AMPD1: variants seen among roughly 807,000 people sequenced by gnomAD.
The protein encoded by AMPD1 is AMP deaminase 1.
In AMPD1, 74 loss-of-function variants were observed where a neutral mutation model predicts 82.9. The ratio of observed to expected loss-of-function variants is 0.89; its 90% confidence interval spans 0.74 to 1.08. The LOEUF (loss-of-function observed/expected upper bound fraction) is 1.08, where lower values mean the gene tolerates loss of function less well. AMPD1 is among the 50% of genes least tolerant of loss of function. The probability of loss-of-function intolerance (pLI) is 0.00; values close to 1 mark genes in which losing one functional copy is unlikely to be tolerated. For missense variants in AMPD1, 881 were observed against 924.5 expected, an observed-to-expected ratio of 0.95 and a Z score of 0.61; for synonymous variants, 333 against 320.5, an observed-to-expected ratio of 1.04 and a Z score of -0.42.
chr1:114,690,602 G>A (rs899604889), intron 2 of AMPD1, among the ~76,000 whole-genome samples: 2 of 152,082 alleles, frequency 1.3e-5, no homozygotes, highest in Non-Finnish European at 2.9e-5. Flanking sequence ...AACTGAAACC[G>A]AAAAGCATCT....
intron 5 of AMPD1, among the ~76,000 whole-genome samples, chr1:114,683,818 G>A (rs1356264978): frequency 6.6e-6 from 1 of 152,184 alleles, no homozygotes; most frequent in African/African-American, 2.4e-5. Flanking sequence ...TGCTTTGTAG[G>A]TAGCAAGGAG....
chr1:114,675,993 G>C lies in AMPD1; in HGVS notation c.1399C>G (p.Arg467Gly). 2 of 1,613,914 alleles carry C rather than the reference G, an allele frequency of 1.2e-6. No homozygotes were observed. Among genetic ancestry groups the C allele is most frequent in the Non-Finnish European group, 8.5e-7 (1 of 1,179,990 alleles). Residue 467 changes from arginine to glycine, a missense_variant, in exon 11 of 16, where the codon CGT becomes GGT. By Grantham distance (125) the Arg-to-Gly change is moderately radical. This residue lies in a region of AMPD1 where 783 missense variants were observed against 786.4 expected (regional missense o/e 1.00). Transcript: ENST00000520113. Reference sequence around the variant, plus strand: ...AAATGTGGAAGGAAATTCTTGGAACGGAACACATCACTAGAGGCAAGAATG... The same window carrying C: ...AAATGTGGAAGGAAATTCTTGGAACCGAACACATCACTAGAGGCAAGAATG... ...IQVPRIYDVF[R>G]SKNFLPHFGK... is the part of the protein sequence containing the mutation.
intron 8 of AMPD1, 49 bp downstream of exon 8, chr1:114,678,284 G>A: frequency 6.3e-7 from 1 of 1,592,604 alleles, no homozygotes; most frequent in Non-Finnish European, 8.6e-7. Context: ...AGAAAGACAT[G>A]TGGGGTTCTG....
In AMPD1 at chr1:114,673,137, C is replaced by T. The variant is rs1252163547; in HGVS notation, c.2221G>A (p.Glu741Lys). 7 of 1,614,006 alleles carry T rather than the reference C, an allele frequency of 4.3e-6. No homozygotes were observed. Among genetic ancestry groups the T allele is most frequent in the South Asian group, 2.2e-5 (2 of 91,074 alleles). ...TWCYELNLIA[E>K]GLKSTE is the part of the protein sequence containing the mutation. ...TTTTATTCTGTTGATTTAAGACCCT[C>T]AGCAATTAAATTGAGTTCATAACAC... The change falls in exon 16 of 16, where the codon GAG (glutamate) becomes AAG (lysine). Residue 741 changes from glutamate (E) to lysine (K), a missense_variant. Coordinates refer to ENST00000520113, the MANE Select transcript of AMPD1 (RefSeq NM_000036.3).
intron 4 of AMPD1, 141 bp downstream of exon 4, chr1:114,686,604 T>A: frequency 1.2e-6 from 1 of 846,762 alleles, no homozygotes; most frequent in South Asian, 1.4e-5. Context: ...CATATTAGTA[T>A]TGAAATGCAA....
chr1:114,686,524 G>A (rs888275945), intron 4 of AMPD1, among the ~76,000 whole-genome samples: 3 of 152,142 alleles, frequency 2.0e-5, no homozygotes, highest in Admixed American at 1.3e-4. Context: ...TATTCTCCAT[G>A]TGCAAGCAAA....
At chr1:114,686,600 A>T in intron 4 of AMPD1, 145 bp downstream of exon 4, 1 of 806,840 alleles carries the variant, frequency 1.2e-6, no homozygotes, top group Non-Finnish European at 2.1e-6. Flanking sequence ...CCACCATATT[A>T]GTATTGAAAT....
chr1:114,674,642 C>A, intron 13 of AMPD1, 110 bp downstream of exon 13: 2 of 1,363,736 alleles, frequency 1.5e-6, no homozygotes, highest in Middle Eastern at 4.1e-4. Flanking sequence ...TTATGCTCTA[C>A]TTGATTATGA....
At chr1:114,688,807 A>T in intron 2 of AMPD1, 66 bp from the exon 3 acceptor site, 1 of 1,565,908 alleles carries the variant, frequency 6.4e-7, no homozygotes, top group Admixed American at 1.7e-5. Context: ...AGTTTCTGCT[A>T]TGTGTAAGGC....
chr1:114,681,526 T>TGGA (rs10645732), intron 5 of AMPD1, among the ~76,000 whole-genome samples: 68,298 of 147,692 alleles, frequency 0.46, 16,065 homozygotes, highest in African/African-American at 0.54. Context: ...ACCTAGGAGA[T>TGGA]GGAGGTTGCA....
chr1:114,691,062 T>A (rs547118863), intron 2 of AMPD1, among the ~76,000 whole-genome samples: 75 of 152,326 alleles, frequency 4.9e-4, no homozygotes, highest in Admixed American at 9.1e-4. Context: ...AACAGTATTG[T>A]TTTTACTAAG....
chr1:114,680,239 A>C lies in AMPD1; in HGVS notation c.767+20T>G. The stretch of plus-strand genomic sequence containing the variant: ...CTTGTAGTACTAGTTGTTGTTGTTT[A>C]GGTCTCACTAAACACTTACACAGGT... On this transcript the variant is annotated intron_variant, in intron 6 of 15. Transcript: ENST00000520113. 6.2e-7 allele frequency: 1 copy of C among 1,601,250 alleles called. No homozygotes were observed. Among genetic ancestry groups the C allele is most frequent in the Non-Finnish European group, 8.6e-7 (1 of 1,169,332 alleles).
chr1:114,682,789 A>G (rs990575625), intron 5 of AMPD1, among the ~76,000 whole-genome samples: 14 of 152,146 alleles, frequency 9.2e-5, no homozygotes, highest in Non-Finnish European at 1.6e-4. Flanking sequence ...CGTGTTAGCC[A>G]AGATGGTCTC....
intron 4 of AMPD1, among the ~76,000 whole-genome samples, chr1:114,685,985 G>A (rs1445274549): frequency 1.3e-5 from 2 of 152,144 alleles, no homozygotes; most frequent in Non-Finnish European, 1.5e-5. Flanking sequence ...GAGCATCGAC[G>A]GACGGCTGCA....
At chr1:114,683,058 C>T (rs1570846508) in intron 5 of AMPD1, 1 of 377,378 alleles carries the variant, frequency 2.6e-6, no homozygotes, top group East Asian at 8.3e-5. Context: ...AATTATGTTC[C>T]AGTTATATAA....
chr1:114,675,534 T>A lies in AMPD1; in HGVS notation c.1675A>T (p.Arg559Ter). 1 of 1,614,146 alleles carries A rather than the reference T, an allele frequency of 6.2e-7. No homozygotes were observed. Among genetic ancestry groups the A allele is most frequent in the South Asian group, 1.1e-5 (1 of 91,078 alleles). Residue 559 changes from arginine (R) to a stop codon, truncating the protein, a stop_gained, in exon 12 of 16, where the codon AGA (arginine) becomes TGA (stop). Transcript: ENST00000520113. LOFTEE classifies it high-confidence loss of function. Reference protein sequence around the residue: ...YANIMVLNSLRKERGMNTFLF... With the variant: ...YANIMVLNSL ...CTCCAGCTGTCTCCTACTTACTTTC[T>A]CAGGCTGTTGAGCACCATGATGTTT...
At chr1:114,673,381 G>T (rs1657888670) in intron 15 of AMPD1, 109 bp from the exon 16 acceptor site, 8 of 1,256,298 alleles carry the variant, frequency 6.4e-6, no homozygotes, top group South Asian at 3.9e-5. Context: ...ACTGACAAAA[G>T]AATAATAATA....
Position 114,680,478 on chromosome 1 carries a change from A to T in AMPD1, c.548T>A (p.Val183Asp). ...AWVANESFYP[V>D]FTPPVKKGED... Reference sequence around the variant, plus strand: ...TCCCTTCTTCACAGGAGGAGTAAAGACTTTTTCAATCAAACACAGAGTAAT... The same window carrying T: ...TCCCTTCTTCACAGGAGGAGTAAAGTCTTTTTCAATCAAACACAGAGTAAT... Residue 183 changes from valine to aspartate, a missense_variant and splice_region_variant, in exon 6 of 16, where the codon GTC becomes GAC. Physicochemically the swap from Val to Asp is radical, Grantham distance 152. This residue lies in a region of AMPD1 where 783 missense variants were observed against 786.4 expected (regional missense o/e 1.00). Transcript: ENST00000520113. The T allele has an allele frequency of 6.2e-7, 1 of 1,613,866 alleles. No homozygotes were observed. The highest frequency in any genetic ancestry group is 8.5e-7 in the Non-Finnish European group (1 of 1,179,788).
In AMPD1 at chr1:114,689,122, T is replaced by C. The variant is rs146939762; in HGVS notation, c.35-381A>G. Among the ~76,000 whole-genome samples the C allele has an allele frequency of 2.6e-4, 40 of 152,306 alleles. No individual in the cohort carries two copies. The East Asian group carries it at 7.3e-3, about 28-fold the overall frequency. The stretch of plus-strand genomic sequence containing the variant: ...CTTCCCATTAGGTTGGTGGAGTTTT[T>C]CTGATGGTGTTAAATATGTGGATAG... On this transcript the variant is annotated intron_variant, in intron 2 of 15. Coordinates refer to ENST00000520113, the MANE Select transcript of AMPD1 (RefSeq NM_000036.3).
Sources: allele counts gnomAD v4.1 joint callset (sites outside exome capture counted in the v4.1 genomes callset), GRCh38; gene constraint gnomAD v4.1.1; regional missense constraint gnomAD v4.1.1; transcripts MANE v1.5; gene names NCBI Gene and HGNC (gene_info 2026-07-23, HGNC 2026-07-21).